Variants in MDN1 observed in about 807,000 individuals in gnomAD.
The protein encoded by MDN1 is midasin AAA ATPase 1, also known as midasin.
MDN1 carries 266 observed loss-of-function variants against 669.2 expected under a neutral mutation model. That is an observed-to-expected ratio of 0.40 (90% CI 0.36 to 0.44). The LOEUF is 0.44. Among genes scored for constraint, MDN1 ranks in the 20% least tolerant of loss-of-function variants. The pLI is 1.00. For missense variants in MDN1, 5,940 were observed against 6,754.0 expected (o/e 0.88, Z 4.22); for synonymous variants, 2,385 against 2,457.1 (o/e 0.97, Z 0.87).
chr6:89,785,969 A>T (rs1818934883), intron 8 of MDN1, among the ~76,000 whole-genome samples: 2 of 152,056 alleles, frequency 1.3e-5, no homozygotes, highest in Non-Finnish European at 2.9e-5. Flanking sequence ...CCTCATCTCT[A>T]AAAAAACATA....
In MDN1 at chr6:89,683,237, G is replaced by C; in HGVS notation, c.11997C>G (p.Asp3999Glu). ...LVESDKEEQPDFLPRPTDGAA... is the reference protein window; with the variant it reads ...LVESDKEEQPEFLPRPTDGAA... ...CTCCATCTGTTGGCCTGGGCAAAAA[G>C]TCAGGCTGTTCTTCCTTGTCACTCT... The change falls in exon 73 of 102, where the codon GAC becomes GAG. Residue 3999 changes from aspartate to glutamate, a missense_variant. Transcript: ENST00000369393. 1 of 1,614,186 alleles carries C rather than the reference G, an allele frequency of 6.2e-7. No individual in the cohort carries two copies. Among genetic ancestry groups the C allele is most frequent in the Non-Finnish European group, 8.5e-7 (1 of 1,180,032 alleles).
intron 1 of MDN1, among the ~76,000 whole-genome samples, chr6:89,805,950 T>G (rs527361475): frequency 1.3e-5 from 2 of 152,208 alleles, no homozygotes; most frequent in African/African-American, 4.8e-5. Flanking sequence ...CTTTTTTTTT[T>G]CTTTTGAGAC....
chr6:89,813,890 G>T (rs1172727233), intron 1 of MDN1, among the ~76,000 whole-genome samples: 7 of 150,514 alleles, frequency 4.7e-5, no homozygotes, highest in African/African-American at 7.3e-5. Context: ...ACCAGCCTAG[G>T]CAACACAGCA....
At chr6:89,809,617 G>A (rs1367179460) in intron 1 of MDN1, among the ~76,000 whole-genome samples, 8 of 151,304 alleles carry the variant, frequency 5.3e-5, no homozygotes. Context: ...CTCTACTAAA[G>A]GCACAAAAAT....
At position 89,749,767 on chromosome 6, in the gene MDN1, C is replaced by T; in HGVS notation, c.3407-16G>A. 1 of 1,553,166 alleles carries T rather than the reference C, an allele frequency of 6.4e-7. No homozygotes were observed. The highest frequency in any genetic ancestry group is 1.1e-5 in the South Asian group (1 of 89,942). Reference sequence around the variant, plus strand: ...ATAAGAACACCTAGGAAGAAACAAACAGCAAGAACTAGTGTATAAATCAGT... The same window carrying T: ...ATAAGAACACCTAGGAAGAAACAAATAGCAAGAACTAGTGTATAAATCAGT... On this transcript the variant is annotated splice_polypyrimidine_tract_variant and intron_variant, in intron 24 of 101. Coordinates refer to ENST00000369393, the MANE Select transcript of MDN1 (RefSeq NM_014611.3).
In MDN1 at chr6:89,804,919, C is replaced by T. The variant is rs529180434; in HGVS notation, c.103-1365G>A. Among the ~76,000 whole-genome samples, 15 of 151,082 alleles carry T rather than the reference C, an allele frequency of 9.9e-5. No homozygotes were observed. In the South Asian group the frequency reaches 3.2e-3, roughly 32 times the overall value. On this transcript the variant is annotated intron_variant, in intron 1 of 101. Transcript: ENST00000369393. ...GGCGAGGTGGCAGGCGCCTGTAGTC[C>T]CAGCTACTCGGGAGGCTGAGGCAGT... is the stretch of plus-strand genomic sequence containing the variant.
Position 89,718,876 on chromosome 6 carries a change from C to T in MDN1, c.6212G>A (p.Gly2071Asp), listed in dbSNP as rs1814613807. The T allele has an allele frequency of 1.9e-6, 3 of 1,614,136 alleles. No individual in the cohort carries two copies. Among genetic ancestry groups the T allele is most frequent in the African/African-American group, 1.3e-5 (1 of 75,030 alleles). The change falls in exon 42 of 102, where the codon GGC becomes GAC. Residue 2071 changes from glycine (G) to aspartate (D), a missense_variant. Gly to Asp is a moderately conservative substitution (Grantham distance 94, BLOSUM62 -1). Coordinates refer to ENST00000369393, the MANE Select transcript of MDN1 (RefSeq NM_014611.3). Reference protein sequence around the residue: ...MVILVGPASVGKTSLVQLLAH... With the variant: ...MVILVGPASVDKTSLVQLLAH... ...CAGAAGCTGGACCAGGCTGGTCTTG[C>T]CCACAGAGGCTGGCCCGACCAGGAT...
chr6:89,675,022 G>A (rs1468653483), intron 78 of MDN1, among the ~76,000 whole-genome samples: 8 of 152,142 alleles, frequency 5.3e-5, no homozygotes. Context: ...TCCATGTATG[G>A]CTCAGATTGC....
At chr6:89,719,250 A>G in intron 40 of MDN1, 25 bp from the exon 41 acceptor site, 1 of 1,573,586 alleles carries the variant, frequency 6.4e-7, no homozygotes, top group Non-Finnish European at 8.7e-7. Context: ...TAATGCAATG[A>G]AAACACAAAT....
Position 89,715,730 on chromosome 6 carries a change from G to C in MDN1, c.6783C>G (p.Pro2261=). The C allele has an allele frequency of 6.2e-7, 1 of 1,613,734 alleles. No homozygotes were observed. Among genetic ancestry groups the C allele is most frequent in the Non-Finnish European group, 8.5e-7 (1 of 1,179,690 alleles). ...TCTCACTAATAGTGAGGACACCTCC[G>C]GGTTCAAGCAAAGCATTCAAACGAT... The part of the protein sequence containing the change: ...VLDRLNALLE[P]GGVLTISERG... The change falls in exon 45 of 102, where the codon CCC becomes CCG. Residue 2261 remains proline (P), a synonymous_variant. Coordinates refer to ENST00000369393, the MANE Select transcript of MDN1 (RefSeq NM_014611.3).
chr6:89,808,144 T>C (rs1384265533), intron 1 of MDN1, among the ~76,000 whole-genome samples: 1 of 151,958 alleles, frequency 6.6e-6, no homozygotes, highest in Non-Finnish European at 1.5e-5. Flanking sequence ...CTTTTTAAAG[T>C]CCTTGTTTAT....
At chr6:89,659,323 T>A (rs1003435278) in intron 88 of MDN1, among the ~76,000 whole-genome samples, 1 of 152,222 alleles carries the variant, frequency 6.6e-6, no homozygotes, top group African/African-American at 2.4e-5. Flanking sequence ...CAGTGAACTA[T>A]GATCATGCCC....
At chr6:89,663,272 GT>G (rs1809937221) in intron 85 of MDN1, among the ~76,000 whole-genome samples, 1 of 152,168 alleles carries the variant, frequency 6.6e-6, no homozygotes, top group Non-Finnish European at 1.5e-5. Context: ...AGCAACCTGA[GT>G]TTTATGTCTG....
chr6:89,815,872 G>A (rs991373126), intron 1 of MDN1, among the ~76,000 whole-genome samples: 1 of 152,124 alleles, frequency 6.6e-6, no homozygotes, highest in Non-Finnish European at 1.5e-5. Flanking sequence ...CCCTACCAGG[G>A]ACCTGGAGGA....
At chr6:89,671,227 C>T (rs187813489) in intron 82 of MDN1, 147 bp from the exon 83 acceptor site, 168 of 755,562 alleles carry the variant, frequency 2.2e-4, no homozygotes, top group African/African-American at 2.2e-3. Flanking sequence ...GTGTTTGTAA[C>T]CTCCACCCAC....
In MDN1 at chr6:89,761,682, T is replaced by C; in HGVS notation, c.2423A>G (p.Lys808Arg). The change falls in exon 17 of 102, where the codon AAA becomes AGA. Residue 808 changes from lysine (K) to arginine (R), a missense_variant. Lys to Arg is a conservative substitution (Grantham distance 26). Coordinates refer to ENST00000369393, the MANE Select transcript of MDN1 (RefSeq NM_014611.3). ...LRLNHAQQQM[K>R]MTENTLLFAF... ...GAACAATAAGGTATTTTCAGTCATTTTCATCTGTTGTTGGGCATGGTTGAG... is the reference window on the plus strand; with the variant it reads ...GAACAATAAGGTATTTTCAGTCATTCTCATCTGTTGTTGGGCATGGTTGAG... 6.2e-7 allele frequency: 1 copy of C among 1,612,704 alleles called. No homozygotes were observed. The highest frequency in any genetic ancestry group is 8.5e-7 in the Non-Finnish European group (1 of 1,179,346).
intron 8 of MDN1, 70 bp downstream of exon 8, chr6:89,787,784 C>T: frequency 1.6e-6 from 2 of 1,224,064 alleles, no homozygotes; most frequent in Non-Finnish European, 2.4e-6. Flanking sequence ...ATTACAGGAC[C>T]TCTGGCTCAG....
At chr6:89,710,640 T>A (rs750532487) in intron 50 of MDN1, 41 bp downstream of exon 50, 1 of 1,206,512 alleles carries the variant, frequency 8.3e-7, no homozygotes, top group African/African-American at 1.6e-5. Context: ...AAAGATAAGT[T>A]TCCAAAACAG....
chr6:89,717,611 G>T (rs1048192891), intron 43 of MDN1, among the ~76,000 whole-genome samples: 2 of 152,016 alleles, frequency 1.3e-5, no homozygotes, highest in Admixed American at 6.6e-5. Context: ...TGACTGCATC[G>T]GATATCTTTT....
Sources: allele counts gnomAD v4.1 joint callset (sites outside exome capture counted in the v4.1 genomes callset), GRCh38; gene constraint gnomAD v4.1.1; transcripts MANE v1.5; gene names NCBI Gene and HGNC (gene_info 2026-07-23, HGNC 2026-07-21).